The following ATXN7L1 variants were observed in gnomAD, a reference collection of about 807,000 sequenced individuals.
The protein encoded by ATXN7L1 is ataxin-7-like protein 1.
In ATXN7L1, 15 loss-of-function variants were observed where a neutral mutation model predicts 70.8. The ratio of observed to expected loss-of-function variants is 0.21; its 90% CI spans 0.14 to 0.33. The LOEUF (loss-of-function observed/expected upper bound fraction) is 0.33. ATXN7L1 is among the 10% of genes least tolerant of loss of function. ATXN7L1 has a pLI of 1.00. For synonymous variants in ATXN7L1, 440 were observed against 445.1 expected (o/e 0.99, Z 0.14); for missense variants, 975 against 1,097.1 (o/e 0.89, Z 1.57).
chr7:105,747,894 C>A (rs531780351), intron 3 of ATXN7L1, among the ~76,000 whole-genome samples: 18 of 151,546 alleles, frequency 1.2e-4, no homozygotes, highest in Non-Finnish European at 2.2e-4. Flanking sequence ...GCTGAGTGGG[C>A]GGATCACCTG....
chr7:105,822,747 T>C (rs760086077), intron 2 of ATXN7L1, among the ~76,000 whole-genome samples: 41 of 152,234 alleles, frequency 2.7e-4, no homozygotes, highest in Non-Finnish European at 5.4e-4. Context: ...AGCTAAGCAA[T>C]GGTGGATGGT....
At chr7:105,728,869 A>C (rs1459940671) in intron 3 of ATXN7L1, among the ~76,000 whole-genome samples, 1 of 152,208 alleles carries the variant, frequency 6.6e-6, no homozygotes, top group African/African-American at 2.4e-5. Flanking sequence ...CCAGTGGCCA[A>C]AACTGGAGGA....
chr7:105,736,090 C>G (rs571894861), intron 3 of ATXN7L1, among the ~76,000 whole-genome samples: 3 of 152,274 alleles, frequency 2.0e-5, no homozygotes, highest in Admixed American at 2.0e-4. Flanking sequence ...AGTTCCTTGT[C>G]AGGGAACACC....
chr7:105,706,043 A>G (rs370397752), intron 3 of ATXN7L1, among the ~76,000 whole-genome samples: 1 of 152,242 alleles, frequency 6.6e-6, no homozygotes, highest in Admixed American at 6.5e-5. Context: ...TAATTAGCCA[A>G]TCCACAGTAA....
At chr7:105,773,835 G>C (rs969620672) in intron 3 of ATXN7L1, among the ~76,000 whole-genome samples, 7 of 152,188 alleles carry the variant, frequency 4.6e-5, no homozygotes, top group Non-Finnish European at 1.5e-5. Context: ...ATTGATGGCA[G>C]GCCTACAAGT....
intron 2 of ATXN7L1, among the ~76,000 whole-genome samples, chr7:105,842,864 CCTTT>C (rs1232090919): frequency 6.6e-6 from 1 of 152,112 alleles, no homozygotes; most frequent in African/African-American, 2.4e-5. Context: ...TTGTAATTTT[CCTTT>C]CTATTTTAAA....
chr7:105,613,770 T>A, intron 10 of ATXN7L1, 92 bp downstream of exon 10: 1 of 1,543,246 alleles, frequency 6.5e-7, no homozygotes, highest in Non-Finnish European at 8.7e-7. Flanking sequence ...CAAGCTTGTG[T>A]TACCTGTCGG....
At chr7:105,824,727 C>T (rs1810619599) in intron 2 of ATXN7L1, among the ~76,000 whole-genome samples, 1 of 151,756 alleles carries the variant, frequency 6.6e-6, no homozygotes, top group South Asian at 2.1e-4. Context: ...AAACCACCAC[C>T]AGTAAAAGAA....
chr7:105,669,151 T>C (rs1472936009), intron 3 of ATXN7L1, among the ~76,000 whole-genome samples: 1 of 152,168 alleles, frequency 6.6e-6, no homozygotes, highest in Non-Finnish European at 1.5e-5. Flanking sequence ...GGCGTGATCT[T>C]GGCTCACTGC....
At chr7:105,735,361 G>A (rs919063495) in intron 3 of ATXN7L1, among the ~76,000 whole-genome samples, 5 of 152,088 alleles carry the variant, frequency 3.3e-5, no homozygotes, top group South Asian at 2.1e-4. Flanking sequence ...CAAGTTATGC[G>A]CTAATGGAAG....
intron 9 of ATXN7L1, among the ~76,000 whole-genome samples, chr7:105,619,140 G>GTTTGTTTTT (rs1794380215): frequency 2.0e-5 from 1 of 49,846 alleles, no homozygotes; most frequent in Non-Finnish European, 3.3e-5. Flanking sequence ...GAAATCTTTA[G>GTTTGTTTTT]TTTTTTTTTT....
chr7:105,643,264 T>C, intron 4 of ATXN7L1, 143 bp from the exon 5 acceptor site: 1 of 1,019,108 alleles, frequency 9.8e-7, no homozygotes, highest in East Asian at 2.6e-5. Context: ...ATGAGTCCAG[T>C]TTTGATGGGA....
intron 3 of ATXN7L1, among the ~76,000 whole-genome samples, chr7:105,764,512 C>T (rs56982287): frequency 0.042 from 6,386 of 152,260 alleles, 236 homozygotes; most frequent in South Asian, 0.14. Flanking sequence ...GATTCTGACA[C>T]ATGACTACAA....
intron 3 of ATXN7L1, among the ~76,000 whole-genome samples, chr7:105,718,316 G>T (rs956896578): frequency 3.3e-5 from 5 of 152,228 alleles, no homozygotes; most frequent in African/African-American, 1.2e-4. Flanking sequence ...GTATTTTGCA[G>T]AATTGGAGCC....
intron 3 of ATXN7L1, among the ~76,000 whole-genome samples, chr7:105,735,601 C>T (rs1007554793): frequency 6.6e-6 from 1 of 152,190 alleles, no homozygotes; most frequent in African/African-American, 2.4e-5. Context: ...ACCACATAGG[C>T]CTACTACCCA....
intron 3 of ATXN7L1, among the ~76,000 whole-genome samples, chr7:105,743,327 C>T (rs1023537348): frequency 4.6e-5 from 7 of 152,118 alleles, no homozygotes; most frequent in African/African-American, 9.7e-5. Context: ...CAGCTGAGAG[C>T]GGTTAGGCAG....
At chr7:105,845,232 A>AAAAAAAAG (rs1813834320) in intron 2 of ATXN7L1, among the ~76,000 whole-genome samples, 1 of 145,268 alleles carries the variant, frequency 6.9e-6, no homozygotes, top group Non-Finnish European at 1.5e-5. Context: ...AAAAAAAAAA[A>AAAAAAAAG]TCAGTTCAGT....
chr7:105,737,045 G>A (rs956344510), intron 3 of ATXN7L1, among the ~76,000 whole-genome samples: 4 of 152,116 alleles, frequency 2.6e-5, no homozygotes, highest in African/African-American at 4.8e-5. Flanking sequence ...GCTAGTACCC[G>A]GTTATAAGAC....
rs200065827 is a variant in ATXN7L1 at position 105,614,506 on chromosome 7, C to T, written c.1828G>A (p.Val610Ile). 22 of 1,531,958 alleles carry T rather than the reference C, an allele frequency of 1.4e-5. No homozygotes were observed. Among genetic ancestry groups the T allele is most frequent in the South Asian group, 7.5e-5 (6 of 80,240 alleles). 94.9% of individuals were successfully genotyped at this position (1,531,958 alleles called of 1,614,324 possible). ...GGCTTGTGGGATGGGGAAGGGATGA[C>T]GGCTGGTATCGGGGACACGGCGGAT... ...APSAVSPIPA[V>I]IPSPSHKPSK... The change falls in exon 10 of 12, where the codon GTC (valine) becomes ATC (isoleucine). Residue 610 changes from valine (V) to isoleucine (I), a missense_variant. This residue lies in a region of ATXN7L1 where 635 missense variants were observed against 699.4 expected (regional missense o/e 0.91). Transcript: ENST00000419735. The surrounding 1 kb of genome is among the most constrained non-coding windows in gnomAD (Gnocchi z 4.3).
Sources: allele counts gnomAD v4.1 joint callset (sites outside exome capture counted in the v4.1 genomes callset), GRCh38; gene constraint gnomAD v4.1.1; regional missense constraint gnomAD v4.1.1; non-coding constraint Gnocchi (gnomAD v3.1); transcripts MANE v1.5; gene names NCBI Gene and HGNC (gene_info 2026-07-23, HGNC 2026-07-21).